The following KMT2C variants were observed in gnomAD, a reference collection of about 807,000 sequenced individuals.
The protein encoded by KMT2C is lysine methyltransferase 2C.
A neutral mutation model predicts 507.9 loss-of-function variants in KMT2C; 88 were observed. That is an observed-to-expected ratio of 0.17 (90% CI 0.15 to 0.21). KMT2C has a LOEUF of 0.21. KMT2C is among the 10% of genes least tolerant of loss of function. KMT2C has a pLI of 1.00. For missense variants in KMT2C, 4,954 were observed against 5,957.8 expected (o/e 0.83, Z 5.55); for synonymous variants, 2,049 against 2,080.8 (o/e 0.98, Z 0.42).
rs2097909879 is a variant in KMT2C, at chr7:152,435,519, C to A, written c.161+107G>T. ...CCCGCGGGCCCGCCCCGCCCCCACC[C>A]CGCCGGGGGGCGCCGGGGCGCGGAG... On this transcript the variant is annotated intron_variant, in intron 1 of 58. Coordinates refer to ENST00000262189, the MANE Select transcript of KMT2C (RefSeq NM_170606.3). 3 of 534,622 alleles carry A rather than the reference C, an allele frequency of 5.6e-6. 1 individual carries two copies. In the South Asian group the frequency reaches 2.4e-4, roughly 43 times the overall value. The allele number at this position is 534,622 out of a possible 1,614,324, so 33.1% of individuals were successfully genotyped here. A position where few individuals can be genotyped will look rare whatever the true frequency, so the allele number is the denominator to read the frequency against.
chr7:152,247,978 A>T lies in KMT2C; in HGVS notation c.2456T>A (p.Val819Asp), dbSNP rs1347731630. The change falls in exon 14 of 59, where the codon GTC becomes GAC. Residue 819 changes from valine (V) to aspartate (D), a missense_variant. Transcript: ENST00000262189. ...GNIMPTTYIS[V>D]TPKIGMGKPA... ...TTTACCCATGCCAATTTTTGGAGTG[A>T]CTGAGATGTAAGTTGTTGGCATGAT... The T allele has an allele frequency of 6.2e-7, 1 of 1,614,132 alleles. No homozygotes were observed. The highest frequency in any genetic ancestry group is 1.7e-5 in the Admixed American group (1 of 60,010).
chr7:152,267,673 CCTGT>C (rs2095879989), intron 7 of KMT2C, among the ~76,000 whole-genome samples: 2 of 152,172 alleles, frequency 1.3e-5, no homozygotes, highest in African/African-American at 2.4e-5. Flanking sequence ...GTTCTGACAT[CCTGT>C]CTAAATCATT....
chr7:152,277,636 T>G (rs2129179815), intron 6 of KMT2C, among the ~76,000 whole-genome samples: 1 of 152,214 alleles, frequency 6.6e-6, no homozygotes, highest in African/African-American at 2.4e-5. Context: ...AGGTAAAAAC[T>G]TCCCAGAAAC....
chr7:152,237,584 G>A (rs1210799466), intron 15 of KMT2C, among the ~76,000 whole-genome samples: 17 of 152,218 alleles, frequency 1.1e-4, no homozygotes, highest in Non-Finnish European at 1.6e-4. Flanking sequence ...TGCAACCTCC[G>A]TCTCCTGGGT....
Position 152,220,706 on chromosome 7 carries a change from C to T in KMT2C, c.3529G>A (p.Val1177Met), listed in dbSNP as rs2129145743. The change falls in exon 23 of 59, where the codon GTG becomes ATG. Residue 1177 changes from valine to methionine, a missense_variant. Physicochemically the swap from Val to Met is conservative, Grantham distance 21. This residue lies in a region of KMT2C where 176 missense variants were observed against 262.0 expected (regional missense o/e 0.67). Transcript: ENST00000262189. Reference protein sequence around the residue: ...DPPKTYTQDGVCLTESGMTQL... With the variant: ...DPPKTYTQDGMCLTESGMTQL... ...GTCATCCCTGATTCAGTCAAACACACACCATCCTGGGTATAAGTCTTGGGT... is the reference window on the plus strand; with the variant it reads ...GTCATCCCTGATTCAGTCAAACACATACCATCCTGGGTATAAGTCTTGGGT... 1 of 1,610,580 alleles carries T rather than the reference C, an allele frequency of 6.2e-7. No individual in the cohort carries two copies. Among genetic ancestry groups the T allele is most frequent in the Non-Finnish European group, 8.5e-7 (1 of 1,178,590 alleles).
At chr7:152,201,953 A>G (rs1390850358) in intron 26 of KMT2C, among the ~76,000 whole-genome samples, 1 of 152,200 alleles carries the variant, frequency 6.6e-6, no homozygotes, top group Non-Finnish European at 1.5e-5. Flanking sequence ...GAGCTCTAAC[A>G]TGAATACTGC....
intron 37 of KMT2C, among the ~76,000 whole-genome samples, chr7:152,179,244 C>T (rs2093341829): frequency 6.6e-6 from 1 of 152,206 alleles, no homozygotes; most frequent in African/African-American, 2.4e-5. Context: ...GATCCGCCCA[C>T]CTCGGCCTCC....
chr7:152,427,616 T>C (rs952073297), intron 1 of KMT2C, among the ~76,000 whole-genome samples: 2 of 152,242 alleles, frequency 1.3e-5, no homozygotes, highest in Non-Finnish European at 2.9e-5. Context: ...TGTATGTATA[T>C]GTTGTCCATT....
chr7:152,245,075 T>C (rs1320407892), intron 14 of KMT2C, among the ~76,000 whole-genome samples: 9 of 152,230 alleles, frequency 5.9e-5, no homozygotes, highest in Non-Finnish European at 5.9e-5. Context: ...GGATTATATA[T>C]TTAAAACTGA....
intron 6 of KMT2C, among the ~76,000 whole-genome samples, chr7:152,305,102 C>A (rs1358459764): frequency 1.3e-5 from 2 of 152,098 alleles, no homozygotes; most frequent in African/African-American, 2.4e-5. Flanking sequence ...CATGAATGAT[C>A]TTCAGTGCTA....
rs1319765883 is a variant in KMT2C, at chr7:152,176,078, A to G, written c.9262+113T>C. ...AAACAAACTCCTCAAGGAGGAATAGAAAAACTCAGTGCTTTATTCCAACTG... is the reference window on the plus strand; with the variant it reads ...AAACAAACTCCTCAAGGAGGAATAGGAAAACTCAGTGCTTTATTCCAACTG... On this transcript the variant is annotated intron_variant, in intron 38 of 58. Transcript: ENST00000262189. The G allele has an allele frequency of 1.2e-5, 14 of 1,134,010 alleles. No individual in the cohort carries two copies. In the East Asian group the frequency reaches 3.3e-4, roughly 27 times the overall value. 70.2% of individuals were successfully genotyped at this position (1,134,010 alleles called of 1,614,324 possible).
intron 1 of KMT2C, among the ~76,000 whole-genome samples, chr7:152,399,590 T>C (rs2097559023): frequency 6.6e-6 from 1 of 151,840 alleles, no homozygotes; most frequent in Admixed American, 6.6e-5. Context: ...CACCAAGAGC[T>C]CATTGTGAAC....
chr7:152,250,026 G>T, intron 12 of KMT2C, 73 bp from the exon 13 acceptor site: 1 of 840,538 alleles, frequency 1.2e-6, no homozygotes, highest in South Asian at 1.4e-5. Flanking sequence ...ACAGTAATTT[G>T]AGTAAAGAGT....
chr7:152,135,856 T>C lies in KMT2C; in HGVS notation c.*976A>G, dbSNP rs557984122. 13 of 231,116 alleles carry C rather than the reference T, an allele frequency of 5.6e-5. No individual in the cohort carries two copies. In the South Asian group the frequency reaches 1.1e-3, roughly 19 times the overall value. The allele number at this position is 231,116 out of a possible 1,614,324, so 14.3% of individuals were successfully genotyped here. On this transcript the variant is annotated 3_prime_UTR_variant, in exon 59 of 59. Transcript: ENST00000262189. ...GTCAGAAGTAAGGTGTATAAAACCA[T>C]TGAGTACTAATAGACTGCGGTTTCC...
intron 7 of KMT2C, among the ~76,000 whole-genome samples, chr7:152,272,430 T>C (rs1034736664): frequency 8.5e-5 from 13 of 152,218 alleles, no homozygotes; most frequent in African/African-American, 2.7e-4. Context: ...TTCAGATTCC[T>C]ATATACACAC....
intron 44 of KMT2C, among the ~76,000 whole-genome samples, chr7:152,156,567 C>G (rs796306737): frequency 2.6e-5 from 4 of 152,278 alleles, no homozygotes; most frequent in African/African-American, 9.6e-5. Flanking sequence ...GCTTACTTTA[C>G]CCAGCTTGAC....
chr7:152,290,085 C>T (rs547997521), intron 6 of KMT2C, among the ~76,000 whole-genome samples: 4 of 150,826 alleles, frequency 2.7e-5, no homozygotes, highest in South Asian at 2.1e-4. Flanking sequence ...CAAAAACAAC[C>T]GTATCAATAG....
intron 1 of KMT2C, among the ~76,000 whole-genome samples, chr7:152,430,734 A>C (rs2097856782): frequency 6.6e-6 from 1 of 152,174 alleles, no homozygotes; most frequent in South Asian, 2.1e-4. Context: ...TTTGTTGCCC[A>C]GGCTGGTCTC....
chr7:152,194,031 C>T lies in KMT2C; in HGVS notation c.4638G>A (p.Gln1546=), dbSNP rs2129128802. The part of the protein sequence containing the change: ...TPLPQPPPPT[Q]LLPIHNQDAF... ...TACCCTGATTGTGTATTGGCAACAGCTGTGTTGGTGGGGGAGGCTGTGGCA... is the reference window on the plus strand; with the variant it reads ...TACCCTGATTGTGTATTGGCAACAGTTGTGTTGGTGGGGGAGGCTGTGGCA... Residue 1546 remains glutamine (Q), a synonymous_variant, in exon 31 of 59, where the codon CAG becomes CAA. Coordinates refer to ENST00000262189, the MANE Select transcript of KMT2C (RefSeq NM_170606.3). The T allele has an allele frequency of 1.3e-6, 2 of 1,575,850 alleles. No homozygotes were observed. The highest frequency in any genetic ancestry group is 1.7e-6 in the Non-Finnish European group (2 of 1,167,130).
Sources: gnomAD v4.1 joint callset for allele counts (sites outside exome capture counted in the v4.1 genomes callset) on GRCh38, gnomAD v4.1.1 for gene constraint, gnomAD v4.1.1 regional missense constraint, MANE v1.5 for transcripts, NCBI Gene and HGNC (gene_info 2026-07-23, HGNC 2026-07-21) for gene names.